RBFOX1: variants seen among roughly 807,000 people sequenced by gnomAD.
RBFOX1 encodes the protein RNA binding protein fox-1 homolog 1.
RBFOX1 carries 8 observed loss-of-function variants against 57.7 expected under a neutral mutation model. The ratio of observed to expected loss-of-function variants is 0.14; its 90% CI spans 0.08 to 0.25. The LOEUF (loss-of-function observed/expected upper bound fraction) is 0.25. Among genes scored for constraint, RBFOX1 ranks in the 10% least tolerant of loss-of-function variants. The probability of loss-of-function intolerance (pLI) is 1.00; values close to 1 mark genes in which losing one functional copy is unlikely to be tolerated. For missense variants in RBFOX1, 611 were observed against 548.5 expected, an observed-to-expected ratio of 1.11 and a Z score of -1.14; for synonymous variants, 326 against 222.4, an observed-to-expected ratio of 1.47 and a Z score of -4.15.
At chr16:6,109,501 A>T (rs1283098498) in intron 1 of RBFOX1, among the ~76,000 whole-genome samples, 1 of 152,122 alleles carries the variant, frequency 6.6e-6, no homozygotes, top group African/African-American at 2.4e-5. Flanking sequence ...TTAGTCGATG[A>T]TATATTTGTT....
At chr16:5,732,813 A>G (rs1311805361) in intron 3 of RBFOX1, among the ~76,000 whole-genome samples, 2 of 152,146 alleles carry the variant, frequency 1.3e-5, no homozygotes, top group Admixed American at 6.5e-5. Flanking sequence ...TGCCCTCATG[A>G]ATATTCTTCA....
intron 2 of RBFOX1, among the ~76,000 whole-genome samples, chr16:6,491,546 ATTG>A (rs2095632867): frequency 6.6e-6 from 1 of 152,170 alleles, no homozygotes; most frequent in African/African-American, 2.4e-5. Context: ...GTACTAGCTA[ATTG>A]TTCAGTATAT....
At chr16:7,275,968 C>G (rs569125979) in intron 4 of RBFOX1, among the ~76,000 whole-genome samples, 8 of 152,304 alleles carry the variant, frequency 5.3e-5, no homozygotes, top group African/African-American at 1.9e-4. Flanking sequence ...CGAAGTGTGT[C>G]ATCATATAAA....
At chr16:5,631,812 T>A (rs1309632903) in intron 3 of RBFOX1, among the ~76,000 whole-genome samples, 1 of 152,198 alleles carries the variant, frequency 6.6e-6, no homozygotes, top group Non-Finnish European at 1.5e-5. Context: ...ATTGTCTAGA[T>A]GAGCTTTTCT....
intron 3 of RBFOX1, among the ~76,000 whole-genome samples, chr16:6,694,296 A>G (rs2060693581): frequency 6.6e-6 from 1 of 152,166 alleles, no homozygotes; most frequent in African/African-American, 2.4e-5. Flanking sequence ...TTTCTGTCTT[A>G]TTTATCTTGA....
chr16:6,384,983 G>C (rs182126274), intron 2 of RBFOX1, among the ~76,000 whole-genome samples: 2 of 152,146 alleles, frequency 1.3e-5, no homozygotes, highest in Non-Finnish European at 2.9e-5. Context: ...GTCCGAGTGG[G>C]TGTCACTCAC....
chr16:6,143,584 T>A (rs2096735041), intron 1 of RBFOX1, among the ~76,000 whole-genome samples: 1 of 152,172 alleles, frequency 6.6e-6, no homozygotes. Context: ...AGCATCCAAG[T>A]GATTCTGTTC....
chr16:7,096,863 C>T (rs959548637), intron 4 of RBFOX1, among the ~76,000 whole-genome samples: 5 of 128,190 alleles, frequency 3.9e-5, no homozygotes, highest in Non-Finnish European at 7.8e-5. Flanking sequence ...ACCCGGGAGG[C>T]GGAGGTTGCA....
rs368570584 is a variant in RBFOX1, at chr16:7,151,773, G to A, written c.27+99675G>A. On this transcript the variant is annotated intron_variant, in intron 4 of 15. Transcript: ENST00000550418. ...TAGACAGTCCCATCTTGGGGTGATG[G>A]TAGGAAGTGACAGATCATCAGGCAT... is the stretch of plus-strand genomic sequence containing the variant. Among the ~76,000 whole-genome samples the A allele has an allele frequency of 1.1e-3, 167 of 152,122 alleles. 1 individual carries two copies. Among genetic ancestry groups the A allele is most frequent in the African/African-American group, 3.7e-3 (152 of 41,454 alleles).
chr16:7,378,330 C>T (rs980866871), intron 4 of RBFOX1, among the ~76,000 whole-genome samples: 1 of 152,122 alleles, frequency 6.6e-6, no homozygotes, highest in African/African-American at 2.4e-5. Context: ...CTTTCAGGGT[C>T]TACGGTTTAG....
intron 1 of RBFOX1, among the ~76,000 whole-genome samples, chr16:6,094,580 A>G (rs574696324): frequency 6.6e-6 from 1 of 152,294 alleles, no homozygotes; most frequent in South Asian, 2.1e-4. Flanking sequence ...GCTAGTTTTG[A>G]AGCAGGTAGG....
chr16:5,570,096 C>T (rs2046226942), intron 2 of RBFOX1, among the ~76,000 whole-genome samples: 1 of 152,174 alleles, frequency 6.6e-6, no homozygotes, highest in South Asian at 2.1e-4. Context: ...AGTGTCACAG[C>T]CTGGGTGAGT....
chr16:6,090,087 C>G (rs1364696609), intron 1 of RBFOX1: 2 of 152,182 alleles, frequency 1.3e-5, no homozygotes, highest in African/African-American at 4.8e-5. Flanking sequence ...CTAGAGGCCT[C>G]CTGCATGCCT....
intron 3 of RBFOX1, among the ~76,000 whole-genome samples, chr16:6,842,098 G>A (rs1017997769): frequency 6.6e-6 from 1 of 151,612 alleles, no homozygotes; most frequent in African/African-American, 2.4e-5. Flanking sequence ...AGCGGAGATC[G>A]CGCCACTGCA....
intron 5 of RBFOX1, among the ~76,000 whole-genome samples, chr16:7,577,921 C>CA (rs937320020): frequency 3.9e-5 from 6 of 152,168 alleles, no homozygotes; most frequent in Non-Finnish European, 7.3e-5. Context: ...AAGACAATGA[C>CA]AAAATGATTC....
intron 3 of RBFOX1, among the ~76,000 whole-genome samples, chr16:6,948,653 A>T (rs371904257): frequency 2.8e-4 from 43 of 152,060 alleles, no homozygotes; most frequent in African/African-American, 9.2e-4. Context: ...AAGTGCTGGG[A>T]TTACAAGCGT....
intron 3 of RBFOX1, among the ~76,000 whole-genome samples, chr16:6,811,222 A>G (rs1483852245): frequency 6.6e-6 from 1 of 152,220 alleles, no homozygotes; most frequent in Non-Finnish European, 1.5e-5. Flanking sequence ...AGGAAATAAT[A>G]TAGGCAGGAA....
intron 4 of RBFOX1, among the ~76,000 whole-genome samples, chr16:5,896,411 T>G (rs1474180091): frequency 6.6e-6 from 1 of 152,046 alleles, no homozygotes; most frequent in Non-Finnish European, 1.5e-5. Context: ...GAGAACTGAT[T>G]GCTAAAAAAA....
intron 3 of RBFOX1, among the ~76,000 whole-genome samples, chr16:6,958,152 G>A (rs1355675625): frequency 6.6e-6 from 1 of 152,144 alleles, no homozygotes; most frequent in Non-Finnish European, 1.5e-5. Context: ...AGCAAGGGGA[G>A]GGGAAAGTTA....
Sources: gnomAD v4.1 joint callset for allele counts (sites outside exome capture counted in the v4.1 genomes callset) on GRCh38, gnomAD v4.1.1 for gene constraint, MANE v1.5 for transcripts, NCBI Gene and HGNC (gene_info 2026-07-23, HGNC 2026-07-21) for gene names.